Variants in ARHGEF26 observed in about 807,000 individuals in gnomAD.
ARHGEF26 encodes Rho guanine nucleotide exchange factor (GEF) 26.
ARHGEF26 carries 59 observed loss-of-function variants against 89.4 expected under a neutral mutation model. That is an observed-to-expected ratio of 0.66 (90% confidence interval 0.54 to 0.82). The LOEUF is 0.82. ARHGEF26 is among the 40% of genes least tolerant of loss of function. ARHGEF26 has a pLI of 0.00. For synonymous variants in ARHGEF26, 500 were observed against 428.4 expected (o/e 1.17, Z -2.06); for missense variants, 1,234 against 1,085.6 (o/e 1.14, Z -1.92).
Position 154,191,417 on chromosome 3 carries a change from A to T in ARHGEF26, c.1769A>T (p.Asp590Val), listed in dbSNP as rs1280086948. Residue 590 changes from aspartate to valine, a missense_variant and splice_region_variant, in exon 8 of 15, where the codon GAT (aspartate) becomes GTT (valine). Asp to Val is a radical substitution (Grantham distance 152, BLOSUM62 -3). Coordinates refer to ENST00000465093, the MANE Select transcript of ARHGEF26 (RefSeq NM_015595.4). ...QRVTRLPLLMDTICQKTPKDS... is the reference protein window; with the variant it reads ...QRVTRLPLLMVTICQKTPKDS... ...GTGACCCGCCTTCCCCTGCTGATGG[A>T]TGTAAGACATGACGGTGGCTTTTTC... 8 of 1,612,904 alleles carry T rather than the reference A, an allele frequency of 5.0e-6. No individual in the cohort carries two copies. Among genetic ancestry groups the T allele is most frequent in the Non-Finnish European group, 6.8e-6 (8 of 1,179,610 alleles).
intron 9 of ARHGEF26, among the ~76,000 whole-genome samples, chr3:154,203,175 T>C (rs1359190063): frequency 4.6e-5 from 7 of 152,270 alleles, no homozygotes; most frequent in South Asian, 2.1e-4. Context: ...TACGTCCCAT[T>C]GATACCTAAT....
chr3:154,217,245 T>G (rs1559906289), intron 9 of ARHGEF26, among the ~76,000 whole-genome samples: 1 of 150,628 alleles, frequency 6.6e-6, no homozygotes, highest in Non-Finnish European at 1.5e-5. Flanking sequence ...TGTGAGATGG[T>G]ATCTCATTGT....
At chr3:154,157,783 G>A (rs1227152142) in intron 6 of ARHGEF26, among the ~76,000 whole-genome samples, 1 of 152,096 alleles carries the variant, frequency 6.6e-6, no homozygotes, top group East Asian at 1.9e-4. Flanking sequence ...GGGGCTTAGG[G>A]AGGGAGACAA....
In ARHGEF26 at chr3:154,253,103, C is replaced by G. The variant is rs374636567; in HGVS notation, c.2301-13C>G. 112 of 1,613,858 alleles carry G rather than the reference C, an allele frequency of 6.9e-5. 1 individual carries two copies. In the Middle Eastern group the frequency reaches 7.1e-3, roughly 102 times the overall value. On this transcript the variant is annotated splice_polypyrimidine_tract_variant and intron_variant, in intron 12 of 14. Transcript: ENST00000465093. ...ACCTTGAGTCTCTCAGTTGGATCTGCCCTCTGTTTTAGGAGCGAGCGAGCC... is the reference window on the plus strand; with the variant it reads ...ACCTTGAGTCTCTCAGTTGGATCTGGCCTCTGTTTTAGGAGCGAGCGAGCC...
chr3:154,241,766 G>C (rs759288946), intron 12 of ARHGEF26, among the ~76,000 whole-genome samples: 17 of 152,164 alleles, frequency 1.1e-4, no homozygotes, highest in Non-Finnish European at 1.6e-4. Flanking sequence ...GGCTATTCTG[G>C]CTAAACTAAC....
At chr3:154,175,747 T>C (rs2108149816) in intron 6 of ARHGEF26, among the ~76,000 whole-genome samples, 1 of 152,320 alleles carries the variant, frequency 6.6e-6, no homozygotes, top group South Asian at 2.1e-4. Flanking sequence ...AAGGAAGGTA[T>C]TGGCACTGTA....
intron 6 of ARHGEF26, among the ~76,000 whole-genome samples, chr3:154,182,098 T>G (rs1056841777): frequency 1.3e-5 from 2 of 151,620 alleles, no homozygotes; most frequent in Non-Finnish European, 2.9e-5. Context: ...TATATATATA[T>G]AAATATAGTA....
chr3:154,137,060 C>T lies in ARHGEF26; in HGVS notation c.1269+7341C>T, dbSNP rs76600407. On this transcript the variant is annotated intron_variant, in intron 4 of 14. Coordinates refer to ENST00000465093, the MANE Select transcript of ARHGEF26 (RefSeq NM_015595.4). ...AAAATAGAGGCCCATGTGCCTAGAC[C>T]TGAGATCCATGGTTTGGATATTTTT... Among the ~76,000 whole-genome samples, 568 of 152,232 alleles carry T rather than the reference C, an allele frequency of 3.7e-3. 31 individuals carry two copies. In the East Asian group the frequency reaches 0.1, roughly 28 times the overall value.
intron 6 of ARHGEF26, among the ~76,000 whole-genome samples, chr3:154,173,605 A>G (rs1313479777): frequency 6.6e-6 from 1 of 152,240 alleles, no homozygotes; most frequent in African/African-American, 2.4e-5. Context: ...TTTATAGGTT[A>G]ATGAAAGCTG....
chr3:154,185,099 CTG>C (rs1713440188), intron 6 of ARHGEF26, among the ~76,000 whole-genome samples: 1 of 152,168 alleles, frequency 6.6e-6, no homozygotes, highest in East Asian at 1.9e-4. Flanking sequence ...ACTCTGCCCT[CTG>C]GAGTTTTCTT....
At chr3:154,146,756 T>G (rs1365781332) in intron 4 of ARHGEF26, among the ~76,000 whole-genome samples, 1 of 152,220 alleles carries the variant, frequency 6.6e-6, no homozygotes, top group Non-Finnish European at 1.5e-5. Context: ...AAAACTGTAG[T>G]ATTGTTCATT....
chr3:154,213,245 A>G (rs73872152), intron 9 of ARHGEF26, among the ~76,000 whole-genome samples: 5,191 of 146,588 alleles, frequency 0.035, 273 homozygotes, highest in African/African-American at 0.11. Context: ...GTGTGTGTAT[A>G]TATATATATA....
At chr3:154,121,260 G>GT (rs903264663), upstream of ARHGEF26, 8 of 152,414 alleles carry the variant, frequency 5.2e-5, no homozygotes, top group African/African-American at 1.7e-4. Context: ...TTCCCAGGGA[G>GT]ACTGGGGCTG....
At chr3:154,185,702 A>G (rs560274376) in intron 6 of ARHGEF26, among the ~76,000 whole-genome samples, 2 of 152,118 alleles carry the variant, frequency 1.3e-5, no homozygotes, top group African/African-American at 2.4e-5. Flanking sequence ...TTCCTTGGCA[A>G]TTGAACTCAA....
chr3:154,217,601 C>G (rs1715847250), intron 9 of ARHGEF26, among the ~76,000 whole-genome samples: 1 of 152,178 alleles, frequency 6.6e-6, no homozygotes. Context: ...TTGGCCATCT[C>G]CCTTCAGCTG....
intron 6 of ARHGEF26, among the ~76,000 whole-genome samples, chr3:154,177,772 T>C (rs1015313394): frequency 1.3e-5 from 2 of 152,152 alleles, no homozygotes; most frequent in African/African-American, 4.8e-5. Context: ...TTCATAAGAT[T>C]CACTTGAAAA....
intron 5 of ARHGEF26, among the ~76,000 whole-genome samples, chr3:154,150,117 A>T (rs1719931569): frequency 1.5e-5 from 2 of 134,772 alleles, no homozygotes; most frequent in East Asian, 2.3e-4. Context: ...AATTGATTCC[A>T]CAAAGGACCC....
intron 3 of ARHGEF26, among the ~76,000 whole-genome samples, chr3:154,127,125 AG>A (rs1718379170): frequency 2.0e-5 from 3 of 152,208 alleles, no homozygotes; most frequent in Non-Finnish European, 1.5e-5. Flanking sequence ...GTGAATGGGA[AG>A]GCCTAGAACA....
At chr3:154,224,266 T>C (rs1420635312) in intron 10 of ARHGEF26, among the ~76,000 whole-genome samples, 1 of 152,192 alleles carries the variant, frequency 6.6e-6, no homozygotes, top group African/African-American at 2.4e-5. Context: ...AAACTATATA[T>C]AAAATGTTGG....
Sources: allele counts gnomAD v4.1 joint callset (sites outside exome capture counted in the v4.1 genomes callset), GRCh38; gene constraint gnomAD v4.1.1; transcripts MANE v1.5; gene names NCBI Gene and HGNC (gene_info 2026-07-23, HGNC 2026-07-21).